Variants in ARL17B observed in about 807,000 individuals in gnomAD.
The protein encoded by ARL17B is ARF like GTPase 17B, also known as ADP-ribosylation factor-like protein 17.
intron 4 of ARL17B, among the ~76,000 whole-genome samples, chr17:46,280,421 C>A (rs1371503859): frequency 6.6e-6 from 1 of 152,170 alleles, no homozygotes; most frequent in Non-Finnish European, 1.5e-5. Context: ...CGGCTGTAAT[C>A]CCAGCACTCT....
chr17:46,282,163 C>T lies in ARL17B; in HGVS notation c.*22-6745G>A, dbSNP rs79802777. Reference sequence around the variant, plus strand: ...TGTCTCCCAGGCTGGAGTGCAGTGGCGCAATCTCGGCTCACTGCAAGCTCT... The same window carrying T: ...TGTCTCCCAGGCTGGAGTGCAGTGGTGCAATCTCGGCTCACTGCAAGCTCT... On this transcript the variant is annotated intron_variant, in intron 4 of 4. Coordinates refer to the ARL17B transcript ENST00000570618. Among the ~76,000 whole-genome samples, 6 of 135,490 alleles carry T rather than the reference C, an allele frequency of 4.4e-5. No individual in the cohort carries two copies. In the South Asian group the frequency reaches 6.5e-4, roughly 15 times the overall value. 88.9% of individuals were successfully genotyped at this position (135,490 alleles called of 152,430 possible).
chr17:46,278,400 T>TTA (rs2049654215), intron 4 of ARL17B, among the ~76,000 whole-genome samples: 2 of 141,264 alleles, frequency 1.4e-5, no homozygotes, highest in African/African-American at 5.4e-5. Flanking sequence ...TGTTTTATTT[T>TTA]GTTTTTTTTT....
chr17:46,282,419 T>G (rs1173764910), intron 4 of ARL17B, among the ~76,000 whole-genome samples: 2 of 149,504 alleles, frequency 1.3e-5, no homozygotes, highest in African/African-American at 2.5e-5. Flanking sequence ...TTTTGTTTGT[T>G]TTTTTTTTTT....
At chr17:46,311,571 C>A in intron 3 of ARL17B, among the ~76,000 whole-genome samples, 2 of 82,726 alleles carry the variant, frequency 2.4e-5, no homozygotes, top group Non-Finnish European at 6.0e-5. Flanking sequence ...AGAAAGGAAA[C>A]ATAGCTCATC....
chr17:46,291,922 C>T (rs2050079550), intron 4 of ARL17B, among the ~76,000 whole-genome samples: 1 of 147,662 alleles, frequency 6.8e-6, no homozygotes, highest in Admixed American at 6.8e-5. Context: ...GATTGCACCG[C>T]TGCACTCCAG....
chr17:46,276,618 T>A (rs1173328991), intron 4 of ARL17B, among the ~76,000 whole-genome samples: 1 of 152,126 alleles, frequency 6.6e-6, no homozygotes, highest in Non-Finnish European at 1.5e-5. Context: ...TAAATTACAA[T>A]GGGAAAATAT....
chr17:46,291,969 C>CAAAAAAAAAAAAAAAAAA (rs59554870), intron 4 of ARL17B, among the ~76,000 whole-genome samples: 1 of 58,090 alleles, frequency 1.7e-5, no homozygotes, highest in African/African-American at 7.2e-5. Flanking sequence ...TCTCAAAAAG[C>CAAAAAAAAAAAAAAAAAA]AAAAAAAAAA....
At chr17:46,312,677 T>C (rs1284440096) in intron 3 of ARL17B, among the ~76,000 whole-genome samples, 1 of 78,024 alleles carries the variant, frequency 1.3e-5, no homozygotes, top group Admixed American at 1.3e-4. Flanking sequence ...TAGCCGACTT[T>C]GTACAGAGCC....
chr17:46,288,918 T>C (rs1189588360), intron 4 of ARL17B, among the ~76,000 whole-genome samples: 3 of 152,188 alleles, frequency 2.0e-5, no homozygotes, highest in African/African-American at 4.8e-5. Context: ...TTGGCCAGGC[T>C]AGCCTTGAAC....
intron 4 of ARL17B, among the ~76,000 whole-genome samples, chr17:46,277,653 C>CTTTCTTTCTTT (rs143961379): frequency 1.5e-5 from 2 of 137,862 alleles, no homozygotes; most frequent in African/African-American, 2.6e-5. Flanking sequence ...TTCTTTCTTT[C>CTTTCTTTCTTT]TTTTTTTTTT....
chr17:46,275,543 C>A (rs1412126266), intron 4 of ARL17B: 1 of 531,192 alleles, frequency 1.9e-6, no homozygotes, highest in Non-Finnish European at 3.5e-6. Flanking sequence ...CCTTGGCAAG[C>A]GAATAGAAAA....
intron 3 of ARL17B, among the ~76,000 whole-genome samples, chr17:46,317,122 T>C (rs1403917632): frequency 9.1e-5 from 8 of 88,188 alleles, no homozygotes; most frequent in South Asian, 8.8e-4. Context: ...CAATGAGCTG[T>C]TGGGTACACC....
At chr17:46,289,804 G>A (rs2696489) in intron 4 of ARL17B, among the ~76,000 whole-genome samples, 17,671 of 147,978 alleles carry the variant, frequency 0.12, 1 homozygote, top group Middle Eastern at 0.19. Context: ...ATGAAGGGCC[G>A]AATTAATTTT....
At chr17:46,292,247 A>G (rs529230055) in intron 4 of ARL17B, among the ~76,000 whole-genome samples, 1 of 75,294 alleles carries the variant, frequency 1.3e-5, no homozygotes, top group African/African-American at 3.4e-5. Flanking sequence ...CATGAAAACC[A>G]CTTGAACCCA....
Position 46,304,891 on chromosome 17 carries a change from C to T in ARL17B, c.260-5226G>A, listed in dbSNP as rs527926992. On this transcript the variant is annotated intron_variant, in intron 3 of 4. Transcript: ENST00000434041. ...TGTTTGTTTGTTTGTTTGTTTGAGACGGAATCTCGCTCTGTCGCCCAGGCT... is the reference window on the plus strand; with the variant it reads ...TGTTTGTTTGTTTGTTTGTTTGAGATGGAATCTCGCTCTGTCGCCCAGGCT... 8.9e-5 allele frequency among the ~76,000 whole-genome samples: 6 copies of T among 67,098 alleles called. 1 individual carries two copies. The highest frequency in any genetic ancestry group is 2.3e-4 in the Non-Finnish European group (5 of 21,620). 44.0% of individuals were successfully genotyped at this position (67,098 alleles called of 152,430 possible). A position where few individuals can be genotyped will look rare whatever the true frequency, so the allele number is the denominator to read the frequency against.
At chr17:46,317,180 C>G (rs1201300878) in intron 3 of ARL17B, among the ~76,000 whole-genome samples, 3 of 84,246 alleles carry the variant, frequency 3.6e-5, no homozygotes, top group Non-Finnish European at 7.2e-5. Context: ...ACATCCCAGA[C>G]GGGCATGCCC....
chr17:46,357,364 G>GAA (rs1234972294), intron 2 of ARL17B, among the ~76,000 whole-genome samples: 6 of 92,988 alleles, frequency 6.5e-5, no homozygotes, highest in Non-Finnish European at 1.2e-4. Context: ...TAACAAGCCC[G>GAA]TAAAACACAG....
At chr17:46,322,220 C>CT in intron 3 of ARL17B, 1 of 434,364 alleles carries the variant, frequency 2.3e-6, no homozygotes, top group South Asian at 3.7e-5. Flanking sequence ...ACATTTTTTT[C>CT]TTTTTTACCT....
chr17:46,279,500 C>CTTTTTTTTT (rs369361891), intron 4 of ARL17B, among the ~76,000 whole-genome samples: 9 of 122,384 alleles, frequency 7.4e-5, no homozygotes, highest in Non-Finnish European at 6.5e-5. Context: ...TTCTTTCTTT[C>CTTTTTTTTT]TTTTTTTTTT....
Sources: gnomAD v4.1 joint callset for allele counts (sites outside exome capture counted in the v4.1 genomes callset) on GRCh38, gnomAD v4.1.1 for gene constraint, MANE v1.5 for transcripts, NCBI Gene and HGNC (gene_info 2026-07-23, HGNC 2026-07-21) for gene names.